Variants in VRK3 observed in about 807,000 individuals in gnomAD.
VRK3 encodes serine/threonine-protein kinase VRK3.
In VRK3, 50 loss-of-function variants were observed where a neutral mutation model predicts 60.4. The observed-to-expected ratio is 0.83, with a 90% CI of 0.66 to 1.05. The LOEUF is 1.05. Ranked by LOEUF, VRK3 falls within the 50% of genes least tolerant of loss-of-function variation. VRK3 has a pLI of 0.00. For synonymous variants in VRK3, 246 were observed against 227.8 expected (o/e 1.08, Z -0.72); for missense variants, 549 against 585.3 (o/e 0.94, Z 0.64).
At chr19:49,999,657 C>T (rs1568794102) in intron 6 of VRK3, 1 of 152,278 alleles carries the variant, frequency 6.6e-6, no homozygotes, top group Non-Finnish European at 1.5e-5. Context: ...CCCCTCTTCC[C>T]GATGGGACTG....
At chr19:49,981,980 G>A (rs1046632321) in intron 12 of VRK3, 16 of 638,188 alleles carry the variant, frequency 2.5e-5, no homozygotes, top group Non-Finnish European at 4.4e-5. Context: ...GTGGAATGTG[G>A]GGGCCAGCGG....
chr19:50,009,513 T>G, intron 3 of VRK3, 128 bp from the exon 4 acceptor site: 1 of 1,066,022 alleles, frequency 9.4e-7, no homozygotes, highest in East Asian at 2.5e-5. Flanking sequence ...AATTCTTGCT[T>G]CTTCTATTAT....
In VRK3 at chr19:50,016,029, A is replaced by G; in HGVS notation, c.134T>C (p.Phe45Ser). Residue 45 changes from phenylalanine (F) to serine (S), a missense_variant, in exon 3 of 15, where the codon TTC becomes TCC. By Grantham distance (155) the Phe-to-Ser change is radical. Transcript: ENST00000316763. ...CTCAATGCTCTGGTTCTTACCTTGG[A>G]AGGATGACACATGTGGATTGACAAA... ...QTFVNPHVSS[F>S]QGSKRGLNSS... The G allele has an allele frequency of 1.2e-6, 2 of 1,614,136 alleles. No homozygotes were observed. The highest frequency in any genetic ancestry group is 8.5e-7 in the Non-Finnish European group (1 of 1,180,000).
intron 7 of VRK3, 169 bp downstream of exon 7, chr19:49,997,335 C>T (rs1187500767): frequency 7.7e-6 from 5 of 647,472 alleles, no homozygotes; most frequent in African/African-American, 1.9e-5. Flanking sequence ...TCACAACACA[C>T]ACTGAGGCCT....
At chr19:50,008,494 CACTGTG>C in intron 4 of VRK3, among the ~76,000 whole-genome samples, 1 of 152,314 alleles carries the variant, frequency 6.6e-6, no homozygotes, top group Admixed American at 6.5e-5. Flanking sequence ...CTCACACTGC[CACTGTG>C]GCTGTGGCTT....
chr19:49,993,020 C>G (rs1362392327), intron 9 of VRK3, 68 bp from the exon 10 acceptor site: 12 of 1,248,446 alleles, frequency 9.6e-6, no homozygotes, highest in Admixed American at 4.3e-5. Flanking sequence ...ATGGTGCAGA[C>G]CAGGAGGGAG....
intron 1 of VRK3, among the ~76,000 whole-genome samples, chr19:50,023,639 G>A (rs245110): frequency 1.3e-5 from 2 of 152,152 alleles, no homozygotes; most frequent in Non-Finnish European, 2.9e-5. Context: ...TGTGCCCAGA[G>A]CCTCAAACAG....
intron 5 of VRK3, among the ~76,000 whole-genome samples, chr19:50,002,268 C>T (rs1162712756): frequency 1.3e-5 from 2 of 151,796 alleles, no homozygotes; most frequent in African/African-American, 4.9e-5. Flanking sequence ...GCCATCCTTG[C>T]CCTCAAGAAG....
chr19:49,985,526 G>A (rs1308769304), intron 12 of VRK3, among the ~76,000 whole-genome samples: 2 of 152,232 alleles, frequency 1.3e-5, no homozygotes, highest in South Asian at 2.1e-4. Context: ...CCATCGCTGC[G>A]AGACCTGCCC....
At chr19:49,977,185 G>C (rs1354764428) in intron 14 of VRK3, among the ~76,000 whole-genome samples, 1 of 152,062 alleles carries the variant, frequency 6.6e-6, no homozygotes, top group Non-Finnish European at 1.5e-5. Flanking sequence ...GTGGGGTCCA[G>C]CTTGGCCTGG....
chr19:50,005,154 G>A (rs117303657), intron 5 of VRK3, among the ~76,000 whole-genome samples: 1,821 of 149,074 alleles, frequency 0.012, 32 homozygotes, highest in Non-Finnish European at 0.016. Flanking sequence ...GGAGACAGGG[G>A]ACAAGGCGTC....
chr19:50,020,064 G>T (rs1426013628), intron 2 of VRK3, among the ~76,000 whole-genome samples: 5 of 150,386 alleles, frequency 3.3e-5, no homozygotes, highest in Non-Finnish European at 1.5e-5. Flanking sequence ...TTTTGAGATG[G>T]ACTTTTGCTC....
chr19:49,992,136 G>A lies in VRK3; in HGVS notation c.963+724C>T, dbSNP rs903686020. Reference sequence around the variant, plus strand: ...AAACAGGTGCATTTTGGCCGGGCACGGTGGCTCAGGCCTGTAATCCCAGCA... The same window carrying A: ...AAACAGGTGCATTTTGGCCGGGCACAGTGGCTCAGGCCTGTAATCCCAGCA... On this transcript the variant is annotated intron_variant, in intron 10 of 14. Transcript: ENST00000316763. 4.6e-5 allele frequency among the ~76,000 whole-genome samples: 7 copies of A among 152,038 alleles called. No homozygotes were observed. In the East Asian group the frequency reaches 5.8e-4, roughly 13 times the overall value.
chr19:49,985,155 T>C lies in VRK3; in HGVS notation c.1217+3217A>G, dbSNP rs138365053. On this transcript the variant is annotated intron_variant, in intron 12 of 14. Transcript: ENST00000316763. ...ACCCATTAGAGTGTGTGAGGGAGCA[T>C]TTCACTACCTTCACTTACACAGGGA... is the stretch of plus-strand genomic sequence containing the variant. 5.0e-3 allele frequency among the ~76,000 whole-genome samples: 768 copies of C among 152,272 alleles called. 5 individuals are homozygous for C. The highest frequency in any genetic ancestry group is 0.017 in the African/African-American group (686 of 41,552).
intron 5 of VRK3, chr19:50,001,124 A>C (rs1355326796): frequency 7.8e-6 from 3 of 383,328 alleles, no homozygotes; most frequent in African/African-American, 2.1e-5. Context: ...GGATTCCGGG[A>C]GGGCTCCCAG....
At chr19:49,989,869 A>T in intron 10 of VRK3, 98 bp from the exon 11 acceptor site, 1 of 1,384,122 alleles carries the variant, frequency 7.2e-7, no homozygotes, top group Non-Finnish European at 9.6e-7. Flanking sequence ...ATTCTACCAA[A>T]GATGGCATTT....
intron 12 of VRK3, among the ~76,000 whole-genome samples, chr19:49,987,120 T>G (rs2076529453): frequency 6.6e-6 from 1 of 152,228 alleles, no homozygotes; most frequent in Non-Finnish European, 1.5e-5. Flanking sequence ...GAGATCCATC[T>G]GCCTTGGCCT....
intron 3 of VRK3, among the ~76,000 whole-genome samples, chr19:50,014,636 C>T (rs10426203): frequency 0.014 from 2,185 of 151,932 alleles, 56 homozygotes; most frequent in African/African-American, 0.05. Flanking sequence ...GCATGCAGGC[C>T]CATAAGGGAA....
intron 6 of VRK3, chr19:50,000,483 C>T (rs1226572006): frequency 2.3e-6 from 1 of 439,346 alleles, no homozygotes; most frequent in Non-Finnish European, 4.2e-6. Context: ...ATGGGCCACA[C>T]CCTGTGGGTA....
Sources: allele counts gnomAD v4.1 joint callset (sites outside exome capture counted in the v4.1 genomes callset), GRCh38; gene constraint gnomAD v4.1.1; transcripts MANE v1.5; gene names NCBI Gene and HGNC (gene_info 2026-07-23, HGNC 2026-07-21).